The following TCF7L1 variants were observed in gnomAD, a reference collection of about 807,000 sequenced individuals.
TCF7L1 encodes transcription factor 7-like 1.
In TCF7L1, 18 loss-of-function variants were observed where a neutral mutation model predicts 63.7. That is an observed-to-expected ratio of 0.28 (90% CI 0.20 to 0.42). The LOEUF (loss-of-function observed/expected upper bound fraction) is 0.42. TCF7L1 is among the 10% of genes least tolerant of loss of function. TCF7L1 has a pLI of 1.00. For synonymous variants in TCF7L1, 355 were observed against 340.9 expected, an observed-to-expected ratio of 1.04 and a Z score of -0.46; for missense variants, 654 against 779.3, an observed-to-expected ratio of 0.84 and a Z score of 1.91.
intron 3 of TCF7L1, among the ~76,000 whole-genome samples, chr2:85,278,797 C>A (rs6733190): frequency 6.6e-6 from 1 of 152,078 alleles, no homozygotes; most frequent in African/African-American, 2.4e-5. Flanking sequence ...TAGATAGTCA[C>A]AACATATGTA....
chr2:85,237,827 G>A (rs1399164144), intron 3 of TCF7L1, among the ~76,000 whole-genome samples: 1 of 151,928 alleles, frequency 6.6e-6, no homozygotes, highest in Non-Finnish European at 1.5e-5. Flanking sequence ...GGAGGAGAGG[G>A]TAAGAACAGG....
At chr2:85,210,283 T>C (rs1311908943) in intron 3 of TCF7L1, among the ~76,000 whole-genome samples, 9 of 152,190 alleles carry the variant, frequency 5.9e-5, no homozygotes, top group Non-Finnish European at 1.3e-4. Flanking sequence ...CATTCTACCT[T>C]CTGCCCTGCT....
chr2:85,181,058 G>A (rs1436834200), intron 3 of TCF7L1, among the ~76,000 whole-genome samples: 1 of 152,218 alleles, frequency 6.6e-6, no homozygotes, highest in East Asian at 1.9e-4. Context: ...GGGGAGGCTG[G>A]TGGGTTCAGG....
chr2:85,171,935 C>T (rs1414213040), intron 3 of TCF7L1, among the ~76,000 whole-genome samples: 1 of 152,104 alleles, frequency 6.6e-6, no homozygotes, highest in Non-Finnish European at 1.5e-5. Flanking sequence ...CCTCCCCCCA[C>T]ACTGCCCTAA....
chr2:85,277,117 G>A (rs1022481742), intron 3 of TCF7L1, among the ~76,000 whole-genome samples: 4 of 152,022 alleles, frequency 2.6e-5, no homozygotes, highest in Non-Finnish European at 5.9e-5. Context: ...GGGATTGCTG[G>A]TGAGTTTGGG....
At chr2:85,285,248 A>G (rs1681519389) in intron 4 of TCF7L1, among the ~76,000 whole-genome samples, 1 of 151,926 alleles carries the variant, frequency 6.6e-6, no homozygotes, top group African/African-American at 2.4e-5. Flanking sequence ...AAAAAAACTG[A>G]TAATTCTTAT....
At chr2:85,177,597 C>T (rs754001622) in intron 3 of TCF7L1, among the ~76,000 whole-genome samples, 17 of 151,810 alleles carry the variant, frequency 1.1e-4, no homozygotes, top group Non-Finnish European at 1.6e-4. Flanking sequence ...CCCAGCTACT[C>T]GGGAGTCCGA....
At chr2:85,277,128 G>A (rs577660193) in intron 3 of TCF7L1, among the ~76,000 whole-genome samples, 3 of 152,064 alleles carry the variant, frequency 2.0e-5, no homozygotes, top group African/African-American at 7.2e-5. Flanking sequence ...TGAGTTTGGG[G>A]GCTTTATCTC....
intron 4 of TCF7L1, among the ~76,000 whole-genome samples, chr2:85,300,194 T>C (rs1018028238): frequency 6.6e-6 from 1 of 152,200 alleles, no homozygotes; most frequent in Non-Finnish European, 1.5e-5. Context: ...TTTAGCCTTT[T>C]TTTAAATTAC....
intron 3 of TCF7L1, among the ~76,000 whole-genome samples, 192 bp from the exon 4 acceptor site, chr2:85,283,303 G>T (rs534220471): frequency 2.6e-5 from 4 of 151,622 alleles, no homozygotes; most frequent in Admixed American, 6.6e-5. Context: ...GGTGAGGCTG[G>T]TAGTGATTGT....
At chr2:85,258,349 T>C (rs1573013528) in intron 3 of TCF7L1, among the ~76,000 whole-genome samples, 1 of 152,172 alleles carries the variant, frequency 6.6e-6, no homozygotes, top group Non-Finnish European at 1.5e-5. Flanking sequence ...ATCCTGAGGC[T>C]TGAGAGCCTG....
chr2:85,157,202 A>G (rs1678169967), intron 3 of TCF7L1, among the ~76,000 whole-genome samples: 1 of 152,218 alleles, frequency 6.6e-6, no homozygotes, highest in Non-Finnish European at 1.5e-5. Flanking sequence ...CAGTGTTCCT[A>G]ATGTCACAAA....
At chr2:85,168,192 A>AACAC (rs55736939) in intron 3 of TCF7L1, among the ~76,000 whole-genome samples, 1,831 of 145,670 alleles carry the variant, frequency 0.013, 32 homozygotes, top group African/African-American at 0.039. Context: ...GTTCTTACCA[A>AACAC]ACACACACAC....
At chr2:85,279,907 C>G (rs958141690) in intron 3 of TCF7L1, among the ~76,000 whole-genome samples, 1 of 152,160 alleles carries the variant, frequency 6.6e-6, no homozygotes, top group Non-Finnish European at 1.5e-5. Flanking sequence ...GTGGTAGGCA[C>G]GACCAGTGTG....
rs992161953 is a variant in TCF7L1, at chr2:85,142,275, A to C, written c.441+7825A>C. Among the ~76,000 whole-genome samples, 3 of 152,074 alleles carry C rather than the reference A, an allele frequency of 2.0e-5. No individual in the cohort carries two copies. The East Asian group carries it at 5.8e-4, about 29-fold the overall frequency. ...AACCCCATTGCTACAAAACATACAC[A>C]AACTTAGCTGGGCATGGTGGTGGGC... is the stretch of plus-strand genomic sequence containing the variant. On this transcript the variant is annotated intron_variant, in intron 3 of 11. Transcript: ENST00000282111.
rs182512838 is a variant in TCF7L1 at position 85,169,878 on chromosome 2, G to A, written c.441+35428G>A. ...TCATTAGCCTGGAATGCAAGGGCCTGGCAATCAGGATTTTTTAAGATAATG... is the reference window on the plus strand; with the variant it reads ...TCATTAGCCTGGAATGCAAGGGCCTAGCAATCAGGATTTTTTAAGATAATG... On this transcript the variant is annotated intron_variant, in intron 3 of 11. Coordinates refer to ENST00000282111, the MANE Select transcript of TCF7L1 (RefSeq NM_031283.3). Among the ~76,000 whole-genome samples, 23 of 152,284 alleles carry A rather than the reference G, an allele frequency of 1.5e-4. No homozygotes were observed. The East Asian group carries it at 3.9e-3, about 26-fold the overall frequency.
At chr2:85,238,866 C>G (rs1170377650) in intron 3 of TCF7L1, among the ~76,000 whole-genome samples, 1 of 151,376 alleles carries the variant, frequency 6.6e-6, no homozygotes, top group African/African-American at 2.4e-5. Flanking sequence ...GTCGCCCAGA[C>G]TGGAGTGTCG....
At chr2:85,226,017 T>C (rs1434485593) in intron 3 of TCF7L1, among the ~76,000 whole-genome samples, 1 of 152,236 alleles carries the variant, frequency 6.6e-6, no homozygotes, top group African/African-American at 2.4e-5. Flanking sequence ...AGGCCTTTTC[T>C]GCGTCTATTG....
chr2:85,184,276 C>T (rs6758096), intron 3 of TCF7L1, among the ~76,000 whole-genome samples: 7,520 of 152,090 alleles, frequency 0.049, 225 homozygotes, highest in Middle Eastern at 0.085. Flanking sequence ...GAGGAGAGGA[C>T]GCTGCAGTCA....
Sources: allele counts gnomAD v4.1 joint callset (sites outside exome capture counted in the v4.1 genomes callset), GRCh38; gene constraint gnomAD v4.1.1; transcripts MANE v1.5; gene names NCBI Gene and HGNC (gene_info 2026-07-23, HGNC 2026-07-21).